NIPAL2: variants seen among roughly 807,000 people sequenced by gnomAD.
NIPAL2 encodes the protein NIPA like domain containing 2, also known as NIPA-like protein 2.
In NIPAL2, 43 loss-of-function variants were observed where a neutral mutation model predicts 48.9. The observed-to-expected ratio is 0.88, with a 90% CI of 0.69 to 1.13. The LOEUF (loss-of-function observed/expected upper bound fraction) is 1.13, where lower values mean the gene tolerates loss of function less well. Among genes scored for constraint, NIPAL2 ranks in the 50% most tolerant of loss-of-function variants. The pLI is 0.00. For missense variants in NIPAL2, 446 were observed against 461.4 expected (o/e 0.97, Z 0.31); for synonymous variants, 167 against 174.6 (o/e 0.96, Z 0.34).
chr8:98,227,497 C>A (rs1812233382), intron 4 of NIPAL2, among the ~76,000 whole-genome samples: 1 of 152,140 alleles, frequency 6.6e-6, no homozygotes, highest in Non-Finnish European at 1.5e-5. Flanking sequence ...TAGGTCCTTC[C>A]CTTCAAGGCA....
At chr8:98,193,212 AAAG>A in intron 10 of NIPAL2, 122 bp from the exon 11 acceptor site, 1 of 1,046,830 alleles carries the variant, frequency 9.6e-7, no homozygotes, top group Non-Finnish European at 1.5e-6. Flanking sequence ...GGCACTCTCT[AAAG>A]AGAAGAGATG....
Position 98,259,069 on chromosome 8 carries a change from C to CTTTTTTTTTTTT in NIPAL2, c.136-4983_136-4982insAAAAAAAAAAAA, listed in dbSNP as rs1563531576. ...TTATGCTGCTGTTCCTTTAAATATTCCTTTTTTTTTTTTTTTTTTTTTTTT... is the reference window on the plus strand; with the variant it reads ...TTATGCTGCTGTTCCTTTAAATATTCTTTTTTTTTTTTCTTTTTTTTTTTTTTTTTTTTTTTT... On this transcript the variant is annotated intron_variant, in intron 1 of 10. Transcript: ENST00000430223. 4.4e-4 allele frequency among the ~76,000 whole-genome samples: 39 copies of CTTTTTTTTTTTT among 89,336 alleles called. 2 individuals are homozygous for CTTTTTTTTTTTT. The highest frequency in any genetic ancestry group is 1.5e-3 in the African/African-American group (32 of 21,786). 58.6% of individuals were successfully genotyped at this position (89,336 alleles called of 152,430 possible).
At chr8:98,259,757 C>G (rs1814177118) in intron 1 of NIPAL2, among the ~76,000 whole-genome samples, 1 of 152,210 alleles carries the variant, frequency 6.6e-6, no homozygotes, top group African/African-American at 2.4e-5. Flanking sequence ...CACAACCCTG[C>G]TGTGCTTGTG....
rs185208987 is a variant in NIPAL2 at position 98,191,404 on chromosome 8, A to G, written c.*1574T>C. On this transcript the variant is annotated 3_prime_UTR_variant, in exon 11 of 11. Transcript: ENST00000430223. Reference sequence around the variant, plus strand: ...ACTTGCTACGATGGCGGGAATTATTACCAGGAGTTTAGGAGCCAGACATGG... The same window carrying G: ...ACTTGCTACGATGGCGGGAATTATTGCCAGGAGTTTAGGAGCCAGACATGG... 246 of 152,328 alleles carry G rather than the reference A, an allele frequency of 1.6e-3. 5 individuals carry two copies. The highest frequency in any genetic ancestry group is 5.4e-3 in the African/African-American group (224 of 41,578). 9.4% of individuals were successfully genotyped at this position (152,328 alleles called of 1,614,324 possible).
At chr8:98,222,723 C>T in intron 4 of NIPAL2, 123 bp from the exon 5 acceptor site, 2 of 904,756 alleles carry the variant, frequency 2.2e-6, no homozygotes, top group South Asian at 1.6e-5. Flanking sequence ...CTATTATACT[C>T]CGTTTCATCA....
intron 1 of NIPAL2, among the ~76,000 whole-genome samples, chr8:98,281,468 C>A (rs180843360): frequency 2.6e-5 from 4 of 152,106 alleles, no homozygotes; most frequent in Non-Finnish European, 4.4e-5. Context: ...CTTAAATGTG[C>A]CTTTAAAAAT....
At chr8:98,286,756 C>G (rs1217022221) in intron 1 of NIPAL2, among the ~76,000 whole-genome samples, 2 of 146,222 alleles carry the variant, frequency 1.4e-5, no homozygotes, top group African/African-American at 2.5e-5. Context: ...TTGCAGCGAG[C>G]TGAGATCATA....
chr8:98,225,431 G>A (rs912945539), intron 4 of NIPAL2, among the ~76,000 whole-genome samples: 6 of 151,836 alleles, frequency 4.0e-5, no homozygotes, highest in African/African-American at 1.5e-4. Context: ...TTTTTATTTC[G>A]GTAAAGCCAC....
rs571622737 is a variant in NIPAL2, at chr8:98,245,680, T to C, written c.376+6783A>G. On this transcript the variant is annotated intron_variant, in intron 3 of 10. Coordinates refer to ENST00000430223, the MANE Select transcript of NIPAL2 (RefSeq NM_001321635.2). ...GATTAATTCTGTATTACAAATTTAA[T>C]TGTGTGTTACTTCATCATTAGCAGC... is the stretch of plus-strand genomic sequence containing the variant. Among the ~76,000 whole-genome samples the C allele has an allele frequency of 6.8e-4, 104 of 152,344 alleles. No homozygotes were observed. In the South Asian group the frequency reaches 0.02, roughly 29 times the overall value.
At chr8:98,273,717 T>C (rs1815280893) in intron 1 of NIPAL2, among the ~76,000 whole-genome samples, 1 of 152,126 alleles carries the variant, frequency 6.6e-6, no homozygotes, top group East Asian at 1.9e-4. Flanking sequence ...ATTTTTATTA[T>C]CTTTATTTTG....
chr8:98,293,093 G>T (rs1816576465), intron 1 of NIPAL2, among the ~76,000 whole-genome samples: 1 of 152,146 alleles, frequency 6.6e-6, no homozygotes, highest in Non-Finnish European at 1.5e-5. Flanking sequence ...AGGCATAAAA[G>T]GAATCCAGAT....
chr8:98,256,458 CAAAAACATCCTGATT>C (rs1020951951), intron 1 of NIPAL2, among the ~76,000 whole-genome samples: 7 of 152,074 alleles, frequency 4.6e-5, no homozygotes, highest in African/African-American at 1.7e-4. Flanking sequence ...AATTCAACAA[CAAAAACATCCTGATT>C]AAAAAATGGG....
At chr8:98,248,804 T>C (rs1241336021) in intron 3 of NIPAL2, among the ~76,000 whole-genome samples, 2 of 152,222 alleles carry the variant, frequency 1.3e-5, no homozygotes, top group African/African-American at 2.4e-5. Context: ...GGACGTATTA[T>C]TCATTGAGAA....
At chr8:98,204,092 C>A (rs1016750663) in intron 7 of NIPAL2, among the ~76,000 whole-genome samples, 1 of 152,070 alleles carries the variant, frequency 6.6e-6, no homozygotes, top group Non-Finnish European at 1.5e-5. Flanking sequence ...AGTTTACCCC[C>A]AATTGTGTCT....
chr8:98,270,788 G>T (rs1473389038), intron 1 of NIPAL2, among the ~76,000 whole-genome samples: 1 of 152,064 alleles, frequency 6.6e-6, no homozygotes, highest in Non-Finnish European at 1.5e-5. Context: ...ATTTCCAGAA[G>T]GGTATTTCCT....
intron 8 of NIPAL2, among the ~76,000 whole-genome samples, chr8:98,197,502 G>A (rs574936634): frequency 2.6e-5 from 4 of 152,216 alleles, no homozygotes; most frequent in Admixed American, 1.3e-4. Context: ...TTGCCACATC[G>A]ATTAACTCTT....
At chr8:98,193,577 G>T (rs1810397550) in intron 10 of NIPAL2, among the ~76,000 whole-genome samples, 2 of 152,114 alleles carry the variant, frequency 1.3e-5, no homozygotes, top group Non-Finnish European at 2.9e-5. Context: ...CCAGCACATT[G>T]GGAGGCCGAG....
chr8:98,228,546 A>G (rs1368562447), intron 4 of NIPAL2, among the ~76,000 whole-genome samples: 1 of 152,200 alleles, frequency 6.6e-6, no homozygotes, highest in African/African-American at 2.4e-5. Context: ...AAATTAAGTC[A>G]TCATACTTGC....
At chr8:98,283,224 A>C (rs1333225746) in intron 1 of NIPAL2, among the ~76,000 whole-genome samples, 2 of 152,260 alleles carry the variant, frequency 1.3e-5, no homozygotes, top group African/African-American at 4.8e-5. Context: ...ATTAAGAATA[A>C]GCCTGAGTTT....
Sources: gnomAD v4.1 joint callset for allele counts (sites outside exome capture counted in the v4.1 genomes callset) on GRCh38, gnomAD v4.1.1 for gene constraint, MANE v1.5 for transcripts, NCBI Gene and HGNC (gene_info 2026-07-23, HGNC 2026-07-21) for gene names.